RND1: variants seen among roughly 807,000 people sequenced by gnomAD.
RND1 encodes the protein Rho family GTPase 1.
Under a neutral mutation model 27.1 loss-of-function variants are expected in RND1, and 9 were observed. That is an observed-to-expected ratio of 0.33 (90% CI 0.20 to 0.58). The LOEUF is 0.58. RND1 is among the 20% of genes least tolerant of loss of function. The pLI, the probability that RND1 is intolerant of heterozygous loss-of-function variation, is 0.86. For synonymous variants in RND1, 108 were observed against 115.7 expected, an observed-to-expected ratio of 0.93 and a Z score of 0.43; for missense variants, 253 against 292.2, an observed-to-expected ratio of 0.87 and a Z score of 0.98.
chr12:48,860,974 C>A, intron 4 of RND1, 23 bp downstream of exon 4: 1 of 1,612,542 alleles, frequency 6.2e-7, no homozygotes, highest in Non-Finnish European at 8.5e-7. Context: ...CACCCCACGA[C>A]ATGCACTTGC....
rs1044865179 is a variant in RND1, at chr12:48,857,980, C to G, written c.*16G>C. On this transcript the variant is annotated 3_prime_UTR_variant, in exon 5 of 5. Coordinates refer to ENST00000309739, the MANE Select transcript of RND1 (RefSeq NM_014470.4). ...GGGAGGAAGTAGGGGGTTGTCTCCC[C>G]CCTCCAATTTCCACTTCACATAATG... 6.3e-7 allele frequency: 1 copy of G among 1,576,404 alleles called. No individual in the cohort carries two copies. Among genetic ancestry groups the G allele is most frequent in the Non-Finnish European group, 8.6e-7 (1 of 1,160,736 alleles).
chr12:48,862,870 G>T (rs1592210772), intron 2 of RND1, among the ~76,000 whole-genome samples: 1 of 152,284 alleles, frequency 6.6e-6, no homozygotes, highest in Non-Finnish European at 1.5e-5. Flanking sequence ...TGGGGAAGGA[G>T]CAGTAGCGGA....
At chr12:48,865,122 G>GAC (rs151048353) in intron 1 of RND1, among the ~76,000 whole-genome samples, 16 of 151,318 alleles carry the variant, frequency 1.1e-4, no homozygotes, top group South Asian at 4.2e-4. Flanking sequence ...GGCGATCAGG[G>GAC]ACACACACAC....
chr12:48,859,983 G>C (rs150173195), intron 4 of RND1, among the ~76,000 whole-genome samples: 6,356 of 151,854 alleles, frequency 0.042, 206 homozygotes, highest in Non-Finnish European at 0.061. Context: ...TCACCACGTT[G>C]GCCAGGCTGG....
chr12:48,858,098 A>T lies in RND1; in HGVS notation c.597T>A (p.Pro199=). The T allele has an allele frequency of 6.2e-7, 1 of 1,614,240 alleles. No homozygotes were observed. Among genetic ancestry groups the T allele is most frequent in the South Asian group, 1.1e-5 (1 of 91,080 alleles). The change falls in exon 5 of 5, where the codon CCT becomes CCA. Residue 199 remains proline (P), a synonymous_variant. Coordinates refer to ENST00000309739, the MANE Select transcript of RND1 (RefSeq NM_014470.4). ...NKPSPLPQKS[P]VRSLSKRLLH... is the part of the protein sequence containing the mutation. ...GCAGTCGTTTGGAGAGGCTTCGGACAGGGCTCTTCTGGGGCAGTGGGCTAG... is the reference window on the plus strand; with the variant it reads ...GCAGTCGTTTGGAGAGGCTTCGGACTGGGCTCTTCTGGGGCAGTGGGCTAG...
In RND1 at chr12:48,865,699, C is replaced by T. The variant is rs770212329; in HGVS notation, c.69G>A (p.Gln23=). The T allele has an allele frequency of 3.1e-6, 5 of 1,614,072 alleles. No homozygotes were observed. The African/African-American group carries it at 5.3e-5, about 17-fold the overall frequency. Residue 23 remains glutamine (Q), a synonymous_variant, in exon 1 of 5, where the codon CAG becomes CAA. Coordinates refer to ENST00000309739, the MANE Select transcript of RND1 (RefSeq NM_014470.4). Reference sequence around the variant, plus strand: ...CTTGCAACATCGCGGTCTTCCCACACTGCACGTCCCCGACCAGAACGAGCT... The same window carrying T: ...CTTGCAACATCGCGGTCTTCCCACATTGCACGTCCCCGACCAGAACGAGCT... ...RCKLVLVGDV[Q]CGKTAMLQVL... is the part of the protein sequence containing the mutation.
rs1281990959 is a variant in RND1, at chr12:48,865,830, C to G, written c.-63G>C. The G allele has an allele frequency of 1.3e-6, 2 of 1,530,012 alleles. No individual in the cohort carries two copies. The highest frequency in any genetic ancestry group is 1.8e-6 in the Non-Finnish European group (2 of 1,133,886). 94.8% of individuals were successfully genotyped at this position (1,530,012 alleles called of 1,614,324 possible). ...AGGGAGGGTTGCGCCAGGTGCGTCTCAGCACGCCAATCAAGCCAGATTCCC... is the reference window on the plus strand; with the variant it reads ...AGGGAGGGTTGCGCCAGGTGCGTCTGAGCACGCCAATCAAGCCAGATTCCC... On this transcript the variant is annotated 5_prime_UTR_variant, in exon 1 of 5. Transcript: ENST00000309739.
At chr12:48,864,749 G>T in intron 2 of RND1, 34 bp downstream of exon 2, 2 of 1,435,418 alleles carry the variant, frequency 1.4e-6, no homozygotes, top group South Asian at 1.1e-5. Context: ...GACCAGTAGG[G>T]GTGGGAAAGG....
Position 48,865,632 on chromosome 12 carries a change from C to A in RND1, c.120+16G>T. On this transcript the variant is annotated intron_variant, in intron 1 of 4. Coordinates refer to ENST00000309739, the MANE Select transcript of RND1 (RefSeq NM_014470.4). Reference sequence around the variant, plus strand: ...GCAGGGAGAAAAGCCGGCCAGCGGGCGGGCGGGCAGCTCACCTCTGGATAG... The same window carrying A: ...GCAGGGAGAAAAGCCGGCCAGCGGGAGGGCGGGCAGCTCACCTCTGGATAG... 1 of 1,606,254 alleles carries A rather than the reference C, an allele frequency of 6.2e-7. No homozygotes were observed. The highest frequency in any genetic ancestry group is 8.5e-7 in the Non-Finnish European group (1 of 1,176,516).
intron 2 of RND1, among the ~76,000 whole-genome samples, chr12:48,864,416 T>TGTGTGTGTGTGTGC (rs141121524): frequency 5.2e-5 from 7 of 135,560 alleles, no homozygotes; most frequent in African/African-American, 1.9e-4. Flanking sequence ...TGTGTGTGTG[T>TGTGTGTGTGTGTGC]GCGCGCGCGC....
chr12:48,861,142 G>A lies in RND1; in HGVS notation c.319-11C>T. The stretch of plus-strand genomic sequence containing the variant: ...GATTTCTGTCCTCCACTGAGGGGTG[G>A]AGCAGGAAGAAGGGTAGGAGAAGGA... On this transcript the variant is annotated splice_polypyrimidine_tract_variant and intron_variant, in intron 3 of 4. Transcript: ENST00000309739. 1 of 1,599,718 alleles carries A rather than the reference G, an allele frequency of 6.3e-7. No individual in the cohort carries two copies. Among genetic ancestry groups the A allele is most frequent in the Non-Finnish European group, 8.5e-7 (1 of 1,170,606 alleles).
At position 48,857,886 on chromosome 12, in the gene RND1, A is replaced by G. The variant is rs1477964830; in HGVS notation, c.*110T>C. On this transcript the variant is annotated 3_prime_UTR_variant, in exon 5 of 5. Transcript: ENST00000309739. Reference sequence around the variant, plus strand: ...CTCCTTCCAAGCCCTCACCGTGGCCATCTGAAAAACTCATGTCCAGTGTCC... The same window carrying G: ...CTCCTTCCAAGCCCTCACCGTGGCCGTCTGAAAAACTCATGTCCAGTGTCC... 7.4e-7 allele frequency: 1 copy of G among 1,348,386 alleles called. No homozygotes were observed. The highest frequency in any genetic ancestry group is 2.4e-5 in the East Asian group (1 of 41,548). The allele number at this position is 1,348,386 out of a possible 1,614,324, so 83.5% of individuals were successfully genotyped here. A position where few individuals can be genotyped will look rare whatever the true frequency, so the allele number is the denominator to read the frequency against.
In RND1 at chr12:48,858,215, A is replaced by C. The variant is rs1436300531; in HGVS notation, c.480T>G (p.Gly160=). 2 of 1,613,928 alleles carry C rather than the reference A, an allele frequency of 1.2e-6. No homozygotes were observed. The highest frequency in any genetic ancestry group is 1.7e-6 in the Non-Finnish European group (2 of 1,179,974). Residue 160 remains glycine, a synonymous_variant, in exon 5 of 5, where the codon GGT becomes GGG. Transcript: ENST00000309739. ...EQGCAIAKQL[G]AEIYLEGSAF... ...CTGAGCCTTCCAGGTAGATTTCTGC[A>C]CCCAGCTGCTTTGCTATTGCACAAC...
chr12:48,865,273 G>A, intron 1 of RND1: 1 of 386,848 alleles, frequency 2.6e-6, no homozygotes, highest in Non-Finnish European at 4.9e-6. Context: ...GAAGGCACAG[G>A]CATAGAGCCT....
Position 48,865,752 on chromosome 12 carries a change from C to G in RND1, c.16G>C (p.Ala6Pro), listed in dbSNP as rs753800171. 31 of 1,603,224 alleles carry G rather than the reference C, an allele frequency of 1.9e-5. No individual in the cohort carries two copies. Among genetic ancestry groups the G allele is most frequent in the Non-Finnish European group, 2.6e-5 (31 of 1,172,158 alleles). ...CATCTGGCCACGACTGGCTGGGGGG[C>G]CCGTCTCTCCTTCATGGTTGCAGTG... MKERR[A>P]PQPVVARCKL... The change falls in exon 1 of 5, where the codon GCC becomes CCC. Residue 6 changes from alanine to proline, a missense_variant. Physicochemically the swap from Ala to Pro is conservative, Grantham distance 27. Transcript: ENST00000309739.
intron 2 of RND1, among the ~76,000 whole-genome samples, chr12:48,863,093 G>A (rs1009666323): frequency 2.6e-5 from 4 of 152,122 alleles, no homozygotes; most frequent in African/African-American, 7.2e-5. Context: ...ACTGAGGAGC[G>A]GAAGCACTGC....
Position 48,860,985 on chromosome 12 carries a change from A to C in RND1, c.453+12T>G. ...ACTCCACCCCACGACATGCACTTGC[A>C]TGCGCACACACCTGCTCATAGGAGA... On this transcript the variant is annotated intron_variant, in intron 4 of 4. Coordinates refer to ENST00000309739, the MANE Select transcript of RND1 (RefSeq NM_014470.4). 4 of 1,612,846 alleles carry C rather than the reference A, an allele frequency of 2.5e-6. No individual in the cohort carries two copies. Among genetic ancestry groups the C allele is most frequent in the Non-Finnish European group, 3.4e-6 (4 of 1,180,010 alleles).
chr12:48,858,942 T>G (rs1938880264), intron 4 of RND1: 1 of 147,576 alleles, frequency 6.8e-6, no homozygotes, highest in South Asian at 2.1e-4. Flanking sequence ...GGCATTAGTA[T>G]TCTTCTTTTT....
rs759333875 is a variant in RND1 at position 48,858,083 on chromosome 12, G to A, written c.612C>T (p.Ser204=). ...LPQKSPVRSL[S]KRLLHLPSRS... ...GACTGGGGAGGTGGAGCAGTCGTTT[G>A]GAGAGGCTTCGGACAGGGCTCTTCT... Residue 204 remains serine (S), a synonymous_variant, in exon 5 of 5, where the codon TCC becomes TCT. Transcript: ENST00000309739. The A allele has an allele frequency of 3.7e-6, 6 of 1,614,204 alleles. No homozygotes were observed. The South Asian group carries it at 6.6e-5, about 18-fold the overall frequency.
Sources: gnomAD v4.1 joint callset for allele counts (sites outside exome capture counted in the v4.1 genomes callset) on GRCh38, gnomAD v4.1.1 for gene constraint, MANE v1.5 for transcripts, NCBI Gene and HGNC (gene_info 2026-07-23, HGNC 2026-07-21) for gene names.